PEBP4: variants seen among roughly 807,000 people sequenced by gnomAD.
PEBP4 encodes the protein phosphatidylethanolamine binding protein 4, also known as phosphatidylethanolamine-binding protein 4.
Under a neutral mutation model 23.9 loss-of-function variants are expected in PEBP4, and 22 were observed. The ratio of observed to expected loss-of-function variants is 0.92; its 90% CI spans 0.66 to 1.31. The LOEUF is 1.31. Ranked by LOEUF, PEBP4 falls within the 40% of genes most tolerant of loss-of-function variation. The pLI is 0.00. For missense variants in PEBP4, 324 were observed against 281.7 expected (o/e 1.15, Z -1.07); for synonymous variants, 112 against 99.3 (o/e 1.13, Z -0.76).
At chr8:22,832,050 A>C (rs964159625) in intron 3 of PEBP4, among the ~76,000 whole-genome samples, 1 of 152,164 alleles carries the variant, frequency 6.6e-6, no homozygotes, top group African/African-American at 2.4e-5. Context: ...GGGGTGGATA[A>C]GAATGGGCAC....
At chr8:22,781,443 GC>G (rs1214573593) in intron 4 of PEBP4, among the ~76,000 whole-genome samples, 1 of 152,170 alleles carries the variant, frequency 6.6e-6, no homozygotes, top group Admixed American at 6.5e-5. Flanking sequence ...CTTAGTCACC[GC>G]TTTTTACTTT....
intron 3 of PEBP4, among the ~76,000 whole-genome samples, chr8:22,875,420 C>T (rs1223815217): frequency 2.0e-5 from 3 of 152,092 alleles, no homozygotes; most frequent in Non-Finnish European, 4.4e-5. Flanking sequence ...TACTTCATCA[C>T]CCAGGTATTA....
In PEBP4 at chr8:22,811,351, G is replaced by T. The variant is rs116995886; in HGVS notation, c.357+6286C>A. On this transcript the variant is annotated intron_variant, in intron 4 of 6. Transcript: ENST00000256404. ...TCTTATCTCCAAATAATTTCACATC[G>T]CAAATTACCATGAAAACCTAAAGGG... 2.9e-3 allele frequency among the ~76,000 whole-genome samples: 437 copies of T among 152,162 alleles called. 2 individuals carry two copies. The highest frequency in any genetic ancestry group is 5.5e-3 in the Admixed American group (84 of 15,286).
upstream of PEBP4, among the ~76,000 whole-genome samples, chr8:22,929,702 T>TCCATGGGA (rs1809425304): frequency 6.6e-6 from 1 of 152,094 alleles, no homozygotes; most frequent in East Asian, 1.9e-4. Flanking sequence ...CTGGGTTGAG[T>TCCATGGGA]CCATTGAGTC....
At chr8:22,789,098 C>T (rs919333975) in intron 4 of PEBP4, among the ~76,000 whole-genome samples, 1 of 152,110 alleles carries the variant, frequency 6.6e-6, no homozygotes, top group Non-Finnish European at 1.5e-5. Flanking sequence ...AGGACACAGA[C>T]CAAATCTTTA....
At chr8:22,844,139 C>T (rs1039465300) in intron 3 of PEBP4, among the ~76,000 whole-genome samples, 10 of 152,144 alleles carry the variant, frequency 6.6e-5, no homozygotes, top group South Asian at 2.1e-4. Flanking sequence ...CTCTATAAAC[C>T]GGCATTTTCC....
At chr8:22,905,320 G>C (rs1808788738) in intron 3 of PEBP4, among the ~76,000 whole-genome samples, 1 of 148,048 alleles carries the variant, frequency 6.8e-6, no homozygotes, top group Non-Finnish European at 1.5e-5. Context: ...TTTTCTTGCT[G>C]ATTTATAAGA....
chr8:22,728,528 G>C (rs556147685), intron 4 of PEBP4, among the ~76,000 whole-genome samples: 20 of 147,154 alleles, frequency 1.4e-4, no homozygotes, highest in African/African-American at 5.3e-4. Context: ...TTGCTGGCTT[G>C]CTTCTTTCTT....
At chr8:22,786,803 A>T (rs1010339907) in intron 4 of PEBP4, among the ~76,000 whole-genome samples, 1 of 150,380 alleles carries the variant, frequency 6.6e-6, no homozygotes, top group Admixed American at 6.6e-5. Flanking sequence ...TATGCAGGAA[A>T]CAGGGCTGCA....
chr8:22,927,010 C>T (rs1011999141), intron 2 of PEBP4, among the ~76,000 whole-genome samples: 5 of 152,160 alleles, frequency 3.3e-5, no homozygotes, highest in African/African-American at 7.2e-5. Flanking sequence ...GAGAGCCGAA[C>T]GCCAGGCTTT....
chr8:22,784,174 T>C (rs1805983189), intron 4 of PEBP4, among the ~76,000 whole-genome samples: 1 of 152,190 alleles, frequency 6.6e-6, no homozygotes, highest in South Asian at 2.1e-4. Flanking sequence ...GTTGGTTTTC[T>C]TCTGTCCCTG....
chr8:22,766,781 C>T (rs1315890114), intron 4 of PEBP4, among the ~76,000 whole-genome samples: 1 of 152,238 alleles, frequency 6.6e-6, no homozygotes, highest in Non-Finnish European at 1.5e-5. Flanking sequence ...CTCAGCATGG[C>T]TTCTCCCTGC....
intron 3 of PEBP4, among the ~76,000 whole-genome samples, chr8:22,877,417 G>C (rs1178621436): frequency 6.6e-6 from 1 of 152,154 alleles, no homozygotes; most frequent in Non-Finnish European, 1.5e-5. Context: ...AAAATGTCAG[G>C]TTATTTGCCC....
At chr8:22,778,145 C>G (rs1034576115) in intron 4 of PEBP4, among the ~76,000 whole-genome samples, 4 of 152,078 alleles carry the variant, frequency 2.6e-5, no homozygotes, top group Non-Finnish European at 4.4e-5. Flanking sequence ...CCCATCTACC[C>G]CTGTCTCTAC....
rs369536370 is a variant in PEBP4 at position 22,927,628 on chromosome 8, C to T, written c.87G>A (p.Pro29=). The T allele has an allele frequency of 7.4e-6, 12 of 1,613,672 alleles. No individual in the cohort carries two copies. The highest frequency in any genetic ancestry group is 6.7e-5 in the African/African-American group (5 of 74,922). ...VVTGDEDENS[P]CAHEALLDED... ...CGTCCAAGAGGGCCTCATGGGCACA[C>T]GGGCTGTTCTCATCCTCGTCTCCAG... Residue 29 remains proline, a synonymous_variant, in exon 2 of 7, where the codon CCG becomes CCA. Coordinates refer to ENST00000256404, the MANE Select transcript of PEBP4 (RefSeq NM_144962.3).
intron 4 of PEBP4, among the ~76,000 whole-genome samples, chr8:22,802,999 G>A (rs1365220454): frequency 6.6e-6 from 1 of 152,130 alleles, no homozygotes; most frequent in African/African-American, 2.4e-5. Context: ...TCCCCATCCT[G>A]GCCCCAAGCT....
At chr8:22,732,223 A>G (rs1351841681) in intron 4 of PEBP4, among the ~76,000 whole-genome samples, 1 of 152,050 alleles carries the variant, frequency 6.6e-6, no homozygotes, top group Non-Finnish European at 1.5e-5. Context: ...TGGGGAGTCT[A>G]AAATACCCAT....
At chr8:22,837,609 C>G (rs993868883) in intron 3 of PEBP4, among the ~76,000 whole-genome samples, 3 of 152,192 alleles carry the variant, frequency 2.0e-5, no homozygotes, top group Non-Finnish European at 4.4e-5. Context: ...CATGCCCACA[C>G]AGACGGAGGA....
At chr8:22,838,730 C>T (rs544107190) in intron 3 of PEBP4, among the ~76,000 whole-genome samples, 67 of 152,402 alleles carry the variant, frequency 4.4e-4, no homozygotes, top group African/African-American at 1.6e-3. Context: ...GGCTCGGCCC[C>T]CTCTGCTCTC....
Sources: gnomAD v4.1 joint callset for allele counts (sites outside exome capture counted in the v4.1 genomes callset) on GRCh38, gnomAD v4.1.1 for gene constraint, MANE v1.5 for transcripts, NCBI Gene and HGNC (gene_info 2026-07-23, HGNC 2026-07-21) for gene names.